RASSF8: variants seen among roughly 807,000 people sequenced by gnomAD.
RASSF8 encodes Ras association domain family member 8.
A neutral mutation model predicts 48.5 loss-of-function variants in RASSF8; 22 were observed. The ratio of observed to expected loss-of-function variants is 0.45; its 90% CI spans 0.32 to 0.65. RASSF8 has a LOEUF of 0.65. Among genes scored for constraint, RASSF8 ranks in the 30% least tolerant of loss-of-function variants. The pLI, the probability that RASSF8 is intolerant of heterozygous loss-of-function variation, is 0.03. For missense variants in RASSF8, 418 were observed against 489.2 expected (o/e 0.85, Z 1.37); for synonymous variants, 127 against 171.5 (o/e 0.74, Z 2.03).
chr12:25,993,986 T>C (rs867424454), intron 1 of RASSF8, among the ~76,000 whole-genome samples: 1 of 152,164 alleles, frequency 6.6e-6, no homozygotes, highest in Middle Eastern at 3.4e-3. Flanking sequence ...GAAGTGTGAG[T>C]GTAGTAACCA....
intron 2 of RASSF8, among the ~76,000 whole-genome samples, chr12:26,039,345 G>A (rs1366095356): frequency 6.6e-6 from 1 of 152,098 alleles, no homozygotes; most frequent in Admixed American, 6.5e-5. Flanking sequence ...GCAGAGTTCT[G>A]ATTTCAGTGG....
chr12:25,980,883 G>A lies in RASSF8; in HGVS notation c.-202-14154G>A, dbSNP rs1941725554. ...CTCTTAAGAAAAAGTATATCATCCTGTCTCCTTTAACAAAACATATTTTGG... is the reference window on the plus strand; with the variant it reads ...CTCTTAAGAAAAAGTATATCATCCTATCTCCTTTAACAAAACATATTTTGG... On this transcript the variant is annotated intron_variant, in intron 1 of 5. Coordinates refer to ENST00000689635, the MANE Select transcript of RASSF8 (RefSeq NM_001394098.1). Among the ~76,000 whole-genome samples the A allele has an allele frequency of 2.6e-5, 4 of 152,130 alleles. No homozygotes were observed. In the South Asian group the frequency reaches 8.3e-4, roughly 31 times the overall value.
At chr12:26,037,418 T>C (rs1472562577) in intron 2 of RASSF8, among the ~76,000 whole-genome samples, 2 of 152,222 alleles carry the variant, frequency 1.3e-5, no homozygotes, top group Non-Finnish European at 2.9e-5. Flanking sequence ...ACAAGGTATT[T>C]CATATAGTTT....
At chr12:25,970,041 T>C (rs1052218340) in intron 1 of RASSF8, among the ~76,000 whole-genome samples, 18 of 152,212 alleles carry the variant, frequency 1.2e-4, no homozygotes, top group South Asian at 4.2e-4. Context: ...CTCCCTGATA[T>C]TTTTTCTCAA....
intron 2 of RASSF8, among the ~76,000 whole-genome samples, chr12:25,997,773 A>T (rs1385627064): frequency 6.6e-6 from 1 of 152,220 alleles, no homozygotes; most frequent in Admixed American, 6.5e-5. Flanking sequence ...GACAATAAAC[A>T]TTCCAATTGC....
At chr12:25,978,502 A>G (rs1399317018) in intron 1 of RASSF8, among the ~76,000 whole-genome samples, 3 of 152,224 alleles carry the variant, frequency 2.0e-5, no homozygotes, top group Non-Finnish European at 4.4e-5. Flanking sequence ...TAGATGTTAG[A>G]CAGAAGCATG....
chr12:26,000,371 C>G (rs1159343506), intron 2 of RASSF8, among the ~76,000 whole-genome samples: 1 of 152,010 alleles, frequency 6.6e-6, no homozygotes, highest in Non-Finnish European at 1.5e-5. Flanking sequence ...TGGAATAATT[C>G]CTATGTGTAA....
In RASSF8 at chr12:26,072,752, T is replaced by G. The variant is rs1944025427; in HGVS notation, c.*3934T>G. 1 of 946,412 alleles carries G rather than the reference T, an allele frequency of 1.1e-6. No individual in the cohort carries two copies. Among genetic ancestry groups the G allele is most frequent in the Non-Finnish European group, 1.3e-6 (1 of 794,612 alleles). The allele number at this position is 946,412 out of a possible 1,614,324, so 58.6% of individuals were successfully genotyped here. A position where few individuals can be genotyped will look rare whatever the true frequency, so the allele number is the denominator to read the frequency against. The stretch of plus-strand genomic sequence containing the variant: ...ATCTGTAATATGTATTATATGTAAT[T>G]ATCCTTTTCTTTGACTTTCATTTTA... On this transcript the variant is annotated 3_prime_UTR_variant, in exon 6 of 6. Coordinates refer to ENST00000689635, the MANE Select transcript of RASSF8 (RefSeq NM_001394098.1).
At chr12:26,037,848 G>T (rs1321541498) in intron 2 of RASSF8, among the ~76,000 whole-genome samples, 1 of 152,188 alleles carries the variant, frequency 6.6e-6, no homozygotes, top group Non-Finnish European at 1.5e-5. Context: ...CAGCAAGCTT[G>T]TTTTCTCAGT....
chr12:25,968,322 T>C lies in RASSF8; in HGVS notation c.-203+9174T>C, dbSNP rs182218114. Among the ~76,000 whole-genome samples, 1,031 of 152,142 alleles carry C rather than the reference T, an allele frequency of 6.8e-3. 8 individuals are homozygous for C. The highest frequency in any genetic ancestry group is 0.012 in the Non-Finnish European group (786 of 68,018). On this transcript the variant is annotated intron_variant, in intron 1 of 5. Transcript: ENST00000689635. ...ACGTTGCTTCCTTGGCATCACTCTT[T>C]CTTTGTTCTTTATTTTTTATTTATT... is the stretch of plus-strand genomic sequence containing the variant.
At chr12:26,066,400 A>G (rs1943876097) in intron 4 of RASSF8, among the ~76,000 whole-genome samples, 1 of 152,172 alleles carries the variant, frequency 6.6e-6, no homozygotes. Context: ...TTAGTTCCAC[A>G]ATCAGAGAAA....
intron 2 of RASSF8, among the ~76,000 whole-genome samples, chr12:26,035,380 A>G (rs866200300): frequency 5.7e-5 from 7 of 123,826 alleles, no homozygotes; most frequent in African/African-American, 1.8e-4. Context: ...TTATATAATC[A>G]TATAATATAA....
intron 2 of RASSF8, among the ~76,000 whole-genome samples, chr12:26,010,332 C>T (rs945846990): frequency 1.3e-5 from 2 of 152,190 alleles, no homozygotes; most frequent in African/African-American, 4.8e-5. Flanking sequence ...GAAGTTTTTC[C>T]TTCTTGTCCC....
At chr12:26,036,156 G>A (rs934488780) in intron 2 of RASSF8, among the ~76,000 whole-genome samples, 4 of 151,102 alleles carry the variant, frequency 2.6e-5, no homozygotes, top group Non-Finnish European at 4.4e-5. Context: ...TCTACATCTG[G>A]GCCTCTCTTG....
At position 26,069,868 on chromosome 12, in the gene RASSF8, AAGG is replaced by A. The variant is rs1425922605; in HGVS notation, c.*1054_*1056del. ...GGTTTCTTCCAGTCACTTAGATGGA[AAGG>A]AGGTTAAACCTAGGTACTTTTTAGC... On this transcript the variant is annotated 3_prime_UTR_variant, in exon 6 of 6. Transcript: ENST00000689635. 6.1e-6 allele frequency: 6 copies of A among 984,426 alleles called. No homozygotes were observed. In the African/African-American group the frequency reaches 7.0e-5, roughly 11 times the overall value. 61.0% of individuals were successfully genotyped at this position (984,426 alleles called of 1,614,324 possible).
At position 25,958,795 on chromosome 12, in the gene RASSF8, CTCCTCGCCCA is replaced by C. The variant is rs1279003646; in HGVS notation, c.-555_-546del. On this transcript the variant is annotated 5_prime_UTR_variant, in exon 1 of 6. Coordinates refer to ENST00000689635, the MANE Select transcript of RASSF8 (RefSeq NM_001394098.1). ...GCCCCGCTCAGCGTCTGCCGCCCAG[CTCCTCGCCCA>C]GCCTCGCCGAGCCTCGCCCTTCCCG... 1 of 147,436 alleles carries C rather than the reference CTCCTCGCCCA, an allele frequency of 6.8e-6. No homozygotes were observed. The highest frequency in any genetic ancestry group is 1.5e-5 in the Non-Finnish European group (1 of 66,298). The allele number at this position is 147,436 out of a possible 1,614,324, so 9.1% of individuals were successfully genotyped here.
intron 1 of RASSF8, among the ~76,000 whole-genome samples, chr12:25,961,009 T>A (rs550316588): frequency 6.6e-6 from 1 of 152,378 alleles, no homozygotes; most frequent in African/African-American, 2.4e-5. Context: ...TAATTTGTTT[T>A]GCCTTTTATT....
chr12:26,078,903 A>G, intron 5 of RASSF8: 2 of 731,364 alleles, frequency 2.7e-6, no homozygotes, highest in Non-Finnish European at 4.0e-6. Context: ...TTCTCAAAAA[A>G]AAAGGCGCTA....
chr12:26,063,184 G>T (rs902897559), intron 3 of RASSF8, among the ~76,000 whole-genome samples: 1 of 151,820 alleles, frequency 6.6e-6, no homozygotes. Context: ...ATAATTGCTG[G>T]ATGGCAGCGT....
Sources: gnomAD v4.1 joint callset for allele counts (sites outside exome capture counted in the v4.1 genomes callset) on GRCh38, gnomAD v4.1.1 for gene constraint, MANE v1.5 for transcripts, NCBI Gene and HGNC (gene_info 2026-07-23, HGNC 2026-07-21) for gene names.